The following COL27A1 variants were observed in gnomAD, a reference collection of about 807,000 sequenced individuals.
COL27A1 encodes collagen alpha-1(XXVII) chain.
A neutral mutation model predicts 251.3 loss-of-function variants in COL27A1; 106 were observed. The ratio of observed to expected loss-of-function variants is 0.42; its 90% CI spans 0.36 to 0.50. The LOEUF (loss-of-function observed/expected upper bound fraction) is 0.50, where lower values mean the gene tolerates loss of function less well. Ranked by LOEUF, COL27A1 falls within the 20% of genes least tolerant of loss-of-function variation. The pLI is 0.00. For missense variants in COL27A1, 2,325 were observed against 2,522.8 expected (o/e 0.92, Z 1.68); for synonymous variants, 1,000 against 986.3 (o/e 1.01, Z -0.26).
At position 114,269,031 on chromosome 9, in the gene COL27A1, G is replaced by A. The variant is rs1039539562; in HGVS notation, c.3502-210G>A. ...TTGGTGCTAATTGTCCTCCTGTCCT[G>A]GCGTGGGAGAAGAAGTCCGTGGACA... On this transcript the variant is annotated intron_variant, in intron 34 of 60. Coordinates refer to ENST00000356083, the MANE Select transcript of COL27A1 (RefSeq NM_032888.4). 5 of 524,448 alleles carry A rather than the reference G, an allele frequency of 9.5e-6. No individual in the cohort carries two copies. The Admixed American group carries it at 1.7e-4, about 18-fold the overall frequency. 32.5% of individuals were successfully genotyped at this position (524,448 alleles called of 1,614,324 possible). A position where few individuals can be genotyped will look rare whatever the true frequency, so the allele number is the denominator to read the frequency against.
chr9:114,239,661 C>G (rs1283787294), intron 19 of COL27A1, among the ~76,000 whole-genome samples: 1 of 152,140 alleles, frequency 6.6e-6, no homozygotes, highest in African/African-American at 2.4e-5. Context: ...GGGGAATGGC[C>G]CTCACTGGGA....
intron 16 of COL27A1, among the ~76,000 whole-genome samples, chr9:114,234,795 C>T (rs1036100537): frequency 2.0e-5 from 3 of 151,858 alleles, no homozygotes; most frequent in South Asian, 2.1e-4. Flanking sequence ...AGAAGTAGAC[C>T]GGCCAGGCAC....
In COL27A1 at chr9:114,300,758, C is replaced by G. The variant is rs1168792190; in HGVS notation, c.4701+71C>G. 4.6e-6 allele frequency: 6 copies of G among 1,294,434 alleles called. No individual in the cohort carries two copies. In the East Asian group the frequency reaches 1.5e-4, roughly 33 times the overall value. 80.2% of individuals were successfully genotyped at this position (1,294,434 alleles called of 1,614,324 possible). A position where few individuals can be genotyped will look rare whatever the true frequency, so the allele number is the denominator to read the frequency against. On this transcript the variant is annotated intron_variant, in intron 51 of 60. Transcript: ENST00000356083. ...CCAAGGTTGGCCAGCCATCAGCTGGCCTGTCTTCATCCTCCTCTTGCTCCT... is the reference window on the plus strand; with the variant it reads ...CCAAGGTTGGCCAGCCATCAGCTGGGCTGTCTTCATCCTCCTCTTGCTCCT...
rs118064910 is a variant in COL27A1 at position 114,292,285 on chromosome 9, A to G, written c.4584+75A>G. 4,931 of 1,102,508 alleles carry G rather than the reference A, an allele frequency of 4.5e-3. 86 individuals carry two copies. In the East Asian group the frequency reaches 0.052, roughly 12 times the overall value. The allele number at this position is 1,102,508 out of a possible 1,614,324, so 68.3% of individuals were successfully genotyped here. A position where few individuals can be genotyped will look rare whatever the true frequency, so the allele number is the denominator to read the frequency against. ...CACTCACATACACCTACATGTACAA[A>G]CACATGCACACTCATACACACACAC... On this transcript the variant is annotated intron_variant, in intron 49 of 60. Coordinates refer to ENST00000356083, the MANE Select transcript of COL27A1 (RefSeq NM_032888.4).
At chr9:114,275,354 A>G (rs1835427289) in intron 36 of COL27A1, among the ~76,000 whole-genome samples, 1 of 151,978 alleles carries the variant, frequency 6.6e-6, no homozygotes, top group Admixed American at 6.6e-5. Context: ...TGTGAACTCC[A>G]TGGGGTGGGT....
intron 7 of COL27A1, among the ~76,000 whole-genome samples, chr9:114,199,061 G>A (rs1829374041): frequency 6.6e-6 from 1 of 152,204 alleles, no homozygotes; most frequent in Non-Finnish European, 1.5e-5. Context: ...TAGTCATTTT[G>A]CTAGTTTCCA....
intron 33 of COL27A1, 150 bp downstream of exon 33, chr9:114,266,768 G>A (rs879905495): frequency 4.5e-6 from 3 of 673,834 alleles, no homozygotes; most frequent in Non-Finnish European, 7.6e-6. Context: ...AAGGGTGGAC[G>A]CCCTGGCAGA....
chr9:114,275,958 C>T (rs757294556), intron 37 of COL27A1, among the ~76,000 whole-genome samples, 190 bp downstream of exon 37: 2 of 152,322 alleles, frequency 1.3e-5, no homozygotes, highest in Admixed American at 6.5e-5. Flanking sequence ...AGAACAACCT[C>T]GGTTACTCAT....
At chr9:114,222,847 G>A (rs138357168) in intron 14 of COL27A1, among the ~76,000 whole-genome samples, 38 of 152,290 alleles carry the variant, frequency 2.5e-4, no homozygotes, top group Non-Finnish European at 4.3e-4. Context: ...TGAAATAGAG[G>A]TGATAGCAGA....
intron 27 of COL27A1, 143 bp from the exon 28 acceptor site, chr9:114,258,398 G>A (rs1834091942): frequency 1.4e-6 from 1 of 692,178 alleles, no homozygotes; most frequent in African/African-American, 1.8e-5. Flanking sequence ...CCTTCCATGT[G>A]GAGGCTGCTG....
chr9:114,182,191 A>ATAAT (rs1554792782), intron 4 of COL27A1, among the ~76,000 whole-genome samples: 1 of 14,256 alleles, frequency 7.0e-5, no homozygotes, highest in East Asian at 2.6e-3. Context: ...AATAATAATA[A>ATAAT]AATAATAAAA....
chr9:114,252,806 G>C, intron 26 of COL27A1, 73 bp from the exon 27 acceptor site: 1 of 1,515,888 alleles, frequency 6.6e-7, no homozygotes, highest in East Asian at 2.3e-5. Flanking sequence ...CACTGGGGCT[G>C]AGCCGACCGA....
intron 12 of COL27A1, among the ~76,000 whole-genome samples, chr9:114,212,534 T>C (rs184946702): frequency 1.3e-5 from 2 of 152,026 alleles, no homozygotes; most frequent in Admixed American, 6.5e-5. Flanking sequence ...TAAGAGAGAG[T>C]AGGATAGGGA....
At chr9:114,231,634 C>G (rs1464941638) in intron 15 of COL27A1, among the ~76,000 whole-genome samples, 188 bp from the exon 16 acceptor site, 3 of 152,224 alleles carry the variant, frequency 2.0e-5, no homozygotes, top group East Asian at 1.9e-4. Context: ...TGCACTGCCT[C>G]TCTCACAGCT....
chr9:114,274,543 C>T (rs1396814531), intron 36 of COL27A1, among the ~76,000 whole-genome samples: 1 of 152,192 alleles, frequency 6.6e-6, no homozygotes, highest in Non-Finnish European at 1.5e-5. Context: ...ATGGTCCTGA[C>T]ATGGTTAGTG....
intron 55 of COL27A1, 129 bp from the exon 56 acceptor site, chr9:114,301,953 C>A: frequency 1.9e-6 from 2 of 1,045,082 alleles, no homozygotes; most frequent in Non-Finnish European, 2.9e-6. Flanking sequence ...GCCCACCAAG[C>A]CTCCGGGAAA....
chr9:114,234,814 A>G (rs1289067291), intron 16 of COL27A1, among the ~76,000 whole-genome samples: 1 of 151,924 alleles, frequency 6.6e-6, no homozygotes, highest in Non-Finnish European at 1.5e-5. Context: ...ACAGTGGCTC[A>G]CGCCTGTAAT....
At chr9:114,263,659 T>A (rs1018580868) in intron 28 of COL27A1, among the ~76,000 whole-genome samples, 1 of 152,028 alleles carries the variant, frequency 6.6e-6, no homozygotes, top group Admixed American at 6.5e-5. Flanking sequence ...GCAGGGGGGA[T>A]GGGGGTGGAC....
At chr9:114,212,378 T>C (rs2567727) in intron 12 of COL27A1, among the ~76,000 whole-genome samples, 8,456 of 152,342 alleles carry the variant, frequency 0.056, 797 homozygotes, top group African/African-American at 0.19. Flanking sequence ...GAATGCCTGC[T>C]ATGGGCCAAG....
Sources: allele counts gnomAD v4.1 joint callset (sites outside exome capture counted in the v4.1 genomes callset), GRCh38; gene constraint gnomAD v4.1.1; transcripts MANE v1.5; gene names NCBI Gene and HGNC (gene_info 2026-07-23, HGNC 2026-07-21).